PCDHGA7: variants seen among roughly 807,000 people sequenced by gnomAD.
PCDHGA7 encodes protocadherin gamma subfamily A, 7, also known as protocadherin gamma-A7.
PCDHGA7 carries 44 observed loss-of-function variants against 58.3 expected under a neutral mutation model. The ratio of observed to expected loss-of-function variants is 0.75; its 90% confidence interval spans 0.59 to 0.97. The LOEUF (loss-of-function observed/expected upper bound fraction) is 0.97. PCDHGA7 is among the 50% of genes least tolerant of loss of function. The pLI is 0.00. For synonymous variants in PCDHGA7, 516 were observed against 504.2 expected (o/e 1.02, Z -0.31); for missense variants, 1,266 against 1,188.7 (o/e 1.06, Z -0.96).
intron 1 of PCDHGA7, chr5:141,421,286 T>G: frequency 6.2e-7 from 1 of 1,613,284 alleles, no homozygotes; most frequent in Non-Finnish European, 8.5e-7. Flanking sequence ...CTGTGCATTT[T>G]CCTGGGGACG....
chr5:141,446,800 G>C (rs1332771959), intron 1 of PCDHGA7, among the ~76,000 whole-genome samples: 1 of 152,150 alleles, frequency 6.6e-6, no homozygotes, highest in African/African-American at 2.4e-5. Flanking sequence ...TTCTTCCATT[G>C]TGATCATCTA....
chr5:141,460,961 ATG>A (rs35821115), intron 1 of PCDHGA7, among the ~76,000 whole-genome samples: 22,194 of 144,260 alleles, frequency 0.15, 1,877 homozygotes, highest in South Asian at 0.27. Context: ...GTATATATAT[ATG>A]TGTGTGTGTG....
At position 141,390,019 on chromosome 5, in the gene PCDHGA7, G is replaced by A. The variant is rs1047341984; in HGVS notation, c.2424+4696G>A. The A allele has an allele frequency of 1.9e-6, 3 of 1,614,002 alleles. No individual in the cohort carries two copies. Among genetic ancestry groups the A allele is most frequent in the Non-Finnish European group, 2.5e-6 (3 of 1,179,896 alleles). Reference sequence around the variant, plus strand: ...GCCATGATTCTGGCCATTGCCTTGCGCCTGCGACGCTCCTCCAGCCCCGCC... The same window carrying A: ...GCCATGATTCTGGCCATTGCCTTGCACCTGCGACGCTCCTCCAGCCCCGCC... On this transcript the variant is annotated intron_variant, in intron 1 of 3. Transcript: ENST00000518325.
intron 1 of PCDHGA7, chr5:141,421,970 A>G (rs2096615419): frequency 1.2e-6 from 2 of 1,610,810 alleles, no homozygotes; most frequent in Non-Finnish European, 1.7e-6. Context: ...CAGTCCGTAT[A>G]TCGCGTGAGT....
chr5:141,386,030 A>G (rs2090434667), intron 1 of PCDHGA7: 1 of 152,256 alleles, frequency 6.6e-6, no homozygotes, highest in African/African-American at 2.4e-5. Flanking sequence ...CATTTGTGAC[A>G]TAGGCAATTA....
rs2097419057 is a variant in PCDHGA7 at position 141,431,807 on chromosome 5, A to G, written c.2424+46484A>G. 4 of 1,614,050 alleles carry G rather than the reference A, an allele frequency of 2.5e-6. No individual in the cohort carries two copies. Among genetic ancestry groups the G allele is most frequent in the Non-Finnish European group, 2.5e-6 (3 of 1,180,038 alleles). On this transcript the variant is annotated intron_variant, in intron 1 of 3. Coordinates refer to ENST00000518325, the MANE Select transcript of PCDHGA7 (RefSeq NM_018920.4). This position sits in a 1 kb window ranked among gnomAD's most constrained non-coding sequence, Gnocchi z 4.8. ...CGACAATGCCCCAGAAGTGGTCCTC[A>G]CCTCTCTCGCCAGCTCGGTTCCCGA... is the stretch of plus-strand genomic sequence containing the variant.
Position 141,393,407 on chromosome 5 carries a change from C to T in PCDHGA7, c.2424+8084C>T, listed in dbSNP as rs766086453. ...TAAACCCAGAGCTGGTGCTGGAGCG[C>T]GCCCTGGACAGGGAGGAAGAGGCTG... On this transcript the variant is annotated intron_variant, in intron 1 of 3. Transcript: ENST00000518325. 3.1e-6 allele frequency: 5 copies of T among 1,614,056 alleles called. No individual in the cohort carries two copies. In the South Asian group the frequency reaches 5.5e-5, roughly 18 times the overall value.
At chr5:141,430,656 G>A in intron 1 of PCDHGA7, 1 of 1,092,670 alleles carries the variant, frequency 9.2e-7, no homozygotes, top group Non-Finnish European at 1.3e-6. Context: ...GGAAACAACG[G>A]AGGAGCTCTG....
intron 1 of PCDHGA7, chr5:141,392,984 G>A: frequency 1.2e-6 from 2 of 1,613,914 alleles, no homozygotes; most frequent in Non-Finnish European, 1.7e-6. Context: ...TGGACCCCCG[G>A]AAGCTGGCGA....
chr5:141,418,151 G>A (rs1276817622), intron 1 of PCDHGA7: 4 of 1,613,990 alleles, frequency 2.5e-6, no homozygotes, highest in East Asian at 4.5e-5. Context: ...AATATGCAAA[G>A]AGAGAAGAAG....
At chr5:141,496,249 A>G (rs1385823714) in intron 2 of PCDHGA7, among the ~76,000 whole-genome samples, 1 of 152,078 alleles carries the variant, frequency 6.6e-6, no homozygotes, top group East Asian at 1.9e-4. Context: ...GCTGAAGGGG[A>G]GGGAAACTTC....
intron 1 of PCDHGA7, among the ~76,000 whole-genome samples, chr5:141,465,995 A>G (rs551920109): frequency 1.4e-3 from 208 of 151,976 alleles, no homozygotes; most frequent in African/African-American, 4.8e-3. Context: ...GGTGGCAGGC[A>G]CCTGTAGTCC....
At chr5:141,394,852 C>T in intron 1 of PCDHGA7, 1 of 1,613,838 alleles carries the variant, frequency 6.2e-7, no homozygotes, top group Non-Finnish European at 8.5e-7. Flanking sequence ...AGTCTGAAGC[C>T]TTCGGTCGAC....
chr5:141,509,303 G>A (rs911736752), intron 3 of PCDHGA7, among the ~76,000 whole-genome samples: 1 of 152,210 alleles, frequency 6.6e-6, no homozygotes, highest in Admixed American at 6.5e-5. Context: ...GGAGGCAGAG[G>A]GAGGCTGGGA....
At chr5:141,407,958 A>C (rs1018466165) in intron 1 of PCDHGA7, 1 of 660,632 alleles carries the variant, frequency 1.5e-6, no homozygotes, top group African/African-American at 1.8e-5. Context: ...GCCAGTGCAG[A>C]GCAAGCGCTG....
At chr5:141,414,117 A>T (rs764001135) in intron 1 of PCDHGA7, 2 of 1,592,602 alleles carry the variant, frequency 1.3e-6, no homozygotes, top group Non-Finnish European at 1.7e-6. Flanking sequence ...TAGATTATGA[A>T]GAAACCGGTT....
intron 1 of PCDHGA7, among the ~76,000 whole-genome samples, chr5:141,448,451 C>T (rs1261733103): frequency 6.6e-6 from 1 of 152,032 alleles, no homozygotes; most frequent in Admixed American, 6.6e-5. Context: ...GACTTCCATC[C>T]CTATCCTACT....
At chr5:141,494,940 AG>A (rs888721888) in intron 2 of PCDHGA7, 75 bp downstream of exon 2, 1 of 1,610,860 alleles carries the variant, frequency 6.2e-7, no homozygotes, top group Non-Finnish European at 8.5e-7. Flanking sequence ...GAGATGGGGG[AG>A]GGCCCAGCAT....
chr5:141,431,364 G>A lies in PCDHGA7; in HGVS notation c.2424+46041G>A. 1 of 1,614,010 alleles carries A rather than the reference G, an allele frequency of 6.2e-7. No homozygotes were observed. The highest frequency in any genetic ancestry group is 8.5e-7 in the Non-Finnish European group (1 of 1,180,022). On this transcript the variant is annotated intron_variant, in intron 1 of 3. Coordinates refer to ENST00000518325, the MANE Select transcript of PCDHGA7 (RefSeq NM_018920.4). This position sits in a 1 kb window ranked among gnomAD's most constrained non-coding sequence, Gnocchi z 4.8. ...TTGGTGCTGAAACGCGCCCTGGACCGCGAAGAAAAGGCTGCTCACCACCTG... is the reference window on the plus strand; with the variant it reads ...TTGGTGCTGAAACGCGCCCTGGACCACGAAGAAAAGGCTGCTCACCACCTG...
Sources: gnomAD v4.1 joint callset for allele counts (sites outside exome capture counted in the v4.1 genomes callset) on GRCh38, gnomAD v4.1.1 for gene constraint, Gnocchi (gnomAD v3.1) non-coding constraint, MANE v1.5 for transcripts, NCBI Gene and HGNC (gene_info 2026-07-23, HGNC 2026-07-21) for gene names.